Variants in VIPR2 observed in about 807,000 individuals in gnomAD.
VIPR2 encodes the protein vasoactive intestinal peptide receptor 2, also known as vasoactive intestinal polypeptide receptor 2.
In VIPR2, 48 loss-of-function variants were observed where a neutral mutation model predicts 58.0. The ratio of observed to expected loss-of-function variants is 0.83; its 90% CI spans 0.66 to 1.05. VIPR2 has a LOEUF of 1.05. VIPR2 is among the 50% of genes least tolerant of loss of function. The pLI, the probability that VIPR2 is intolerant of heterozygous loss-of-function variation, is 0.00. For synonymous variants in VIPR2, 243 were observed against 235.2 expected, an observed-to-expected ratio of 1.03 and a Z score of -0.30; for missense variants, 534 against 558.0, an observed-to-expected ratio of 0.96 and a Z score of 0.43.
chr7:159,135,420 C>A (rs1408330022), intron 2 of VIPR2, among the ~76,000 whole-genome samples: 1 of 150,962 alleles, frequency 6.6e-6, no homozygotes, highest in Admixed American at 6.6e-5. Flanking sequence ...TGACAGAGTG[C>A]GTGAGGCTCC....
At chr7:159,136,370 T>A (rs1291714227) in intron 2 of VIPR2, among the ~76,000 whole-genome samples, 4 of 152,154 alleles carry the variant, frequency 2.6e-5, no homozygotes. Context: ...TCAAGGCCCG[T>A]CTCTCAATAC....
intron 6 of VIPR2, among the ~76,000 whole-genome samples, chr7:159,039,540 T>C (rs1671868163): frequency 6.6e-6 from 1 of 152,190 alleles, no homozygotes; most frequent in African/African-American, 2.4e-5. Flanking sequence ...GGCTGGAGGC[T>C]TCTTTATGCT....
chr7:159,034,642 T>TCC lies in VIPR2; in HGVS notation c.816_817dup (p.Asp273GlyfsTer18), dbSNP rs775442068. On this transcript the variant is annotated frameshift_variant, in exon 9 of 13. Transcript: ENST00000262178. LOFTEE classifies it high-confidence loss of function. ...CCAGGGCACACTGTGGTCGTTTGTA[T>TCC]CCCAGCAACTGTCAGAGAGAGATGG... The TCC allele has an allele frequency of 1.2e-6, 2 of 1,613,752 alleles. No homozygotes were observed. Among genetic ancestry groups the TCC allele is most frequent in the Non-Finnish European group, 1.7e-6 (2 of 1,179,758 alleles).
chr7:159,066,064 G>C (rs1198903223), intron 4 of VIPR2, among the ~76,000 whole-genome samples: 3 of 151,654 alleles, frequency 2.0e-5, no homozygotes, highest in African/African-American at 7.3e-5. Flanking sequence ...CTGCTCCGCA[G>C]CGTCCGCGGG....
chr7:159,041,555 A>AGGGTCCTGAGGGTCTGTCAT, intron 6 of VIPR2, among the ~76,000 whole-genome samples: 1 of 18,584 alleles, frequency 5.4e-5, no homozygotes, highest in Non-Finnish European at 1.2e-4. Flanking sequence ...AGGGTCCGTC[A>AGGGTCCTGAGGGTCTGTCAT]GGGTCCTGAG....
rs1252101434 is a variant in VIPR2 at position 159,131,085 on chromosome 7, G to A, written c.151+11361C>T. Among the ~76,000 whole-genome samples, 9 of 152,146 alleles carry A rather than the reference G, an allele frequency of 5.9e-5. No individual in the cohort carries two copies. The East Asian group carries it at 1.7e-3, about 29-fold the overall frequency. ...TAGATAATGGGGTGGTCTGTGCCAG[G>A]GGTGTGATAGGGGAGACTCTAGCCA... On this transcript the variant is annotated intron_variant, in intron 2 of 12. Coordinates refer to ENST00000262178, the MANE Select transcript of VIPR2 (RefSeq NM_003382.5).
chr7:159,064,752 C>T (rs1855986780), intron 4 of VIPR2, among the ~76,000 whole-genome samples: 1 of 152,206 alleles, frequency 6.6e-6, no homozygotes, highest in African/African-American at 2.4e-5. Context: ...TTCGCCCCAG[C>T]TCTGGCACCA....
rs1015002330 is a variant in VIPR2, at chr7:159,097,962, A to T, written c.357+5795T>A. Among the ~76,000 whole-genome samples the T allele has an allele frequency of 1.3e-5, 2 of 152,162 alleles. No homozygotes were observed. The highest frequency in any genetic ancestry group is 4.8e-5 in the African/African-American group (2 of 41,434). Reference sequence around the variant, plus strand: ...CCAGCTGGGAACGTGCTGGAAAGGCAGGGTCTCAGCCCCCACACAGACCCA... The same window carrying T: ...CCAGCTGGGAACGTGCTGGAAAGGCTGGGTCTCAGCCCCCACACAGACCCA... On this transcript the variant is annotated intron_variant, in intron 4 of 12. Transcript: ENST00000262178. The surrounding 1 kb of genome is among the most constrained non-coding windows in gnomAD (Gnocchi z 5.3).
At chr7:159,051,210 CT>C (rs1854984183) in intron 5 of VIPR2, among the ~76,000 whole-genome samples, 1 of 152,116 alleles carries the variant, frequency 6.6e-6, no homozygotes, top group African/African-American at 2.4e-5. Flanking sequence ...TAAATGCGAC[CT>C]TTAACACAAC....
intron 1 of VIPR2, among the ~76,000 whole-genome samples, chr7:159,143,808 G>GCATT (rs1797573206): frequency 6.6e-6 from 1 of 152,282 alleles, no homozygotes; most frequent in Non-Finnish European, 1.5e-5. Context: ...AATGAAAGCA[G>GCATT]CATTAACCGT....
At chr7:159,102,175 C>CAA (rs1858336810) in intron 4 of VIPR2, among the ~76,000 whole-genome samples, 1 of 151,230 alleles carries the variant, frequency 6.6e-6, no homozygotes, top group African/African-American at 2.4e-5. Flanking sequence ...CGAGATCCGA[C>CAA]GAGGCGGTTC....
chr7:159,031,718 C>T lies in VIPR2; in HGVS notation c.1143+110G>A, dbSNP rs1481020130. 81 of 1,584,054 alleles carry T rather than the reference C, an allele frequency of 5.1e-5. No individual in the cohort carries two copies. The highest frequency in any genetic ancestry group is 1.2e-5 in the Non-Finnish European group (14 of 1,169,234). ...AGAACTGTGGGGTCCCGGGCAGTAA[C>T]TCGAGCCCGCGGAAGACAGGCATGT... On this transcript the variant is annotated intron_variant, in intron 12 of 12. Transcript: ENST00000262178. The surrounding 1 kb of genome is among the most constrained non-coding windows in gnomAD (Gnocchi z 4.0).
intron 2 of VIPR2, 89 bp downstream of exon 2, chr7:159,142,357 C>G: frequency 1.3e-6 from 1 of 784,520 alleles, no homozygotes; most frequent in African/African-American, 1.8e-5. Context: ...TTTTAAGATG[C>G]AGGTGGTGAC....
At position 159,128,343 on chromosome 7, in the gene VIPR2, C is replaced by T. The variant is rs1387280973; in HGVS notation, c.151+14103G>A. ...CTGACCACCCTGGAGCAGTTCTGAG[C>T]CTGCAGTGGTCTCCTTGTGCCCCCA... On this transcript the variant is annotated intron_variant, in intron 2 of 12. Coordinates refer to ENST00000262178, the MANE Select transcript of VIPR2 (RefSeq NM_003382.5). The surrounding 1 kb of genome is among the most constrained non-coding windows in gnomAD (Gnocchi z 4.1). Among the ~76,000 whole-genome samples, 1 of 152,188 alleles carries T rather than the reference C, an allele frequency of 6.6e-6. No homozygotes were observed. The highest frequency in any genetic ancestry group is 1.5e-5 in the Non-Finnish European group (1 of 68,028).
intron 4 of VIPR2, among the ~76,000 whole-genome samples, chr7:159,066,562 C>G (rs1195800786): frequency 6.6e-6 from 1 of 152,248 alleles, no homozygotes; most frequent in Non-Finnish European, 1.5e-5. Context: ...GCTCCTGAAC[C>G]CTTCCATGGC....
At chr7:159,057,062 G>A (rs190904503) in intron 5 of VIPR2, among the ~76,000 whole-genome samples, 78 of 152,166 alleles carry the variant, frequency 5.1e-4, no homozygotes, top group Non-Finnish European at 9.8e-4. Flanking sequence ...CTCTTGGGTT[G>A]CCTAATTAAA....
chr7:159,109,349 G>A (rs1350248870), intron 3 of VIPR2, among the ~76,000 whole-genome samples: 2 of 152,232 alleles, frequency 1.3e-5, no homozygotes, highest in Non-Finnish European at 2.9e-5. Flanking sequence ...AGGCGGCAGG[G>A]AGGTTGGGGG....
At chr7:159,114,145 T>C (rs116546283) in intron 2 of VIPR2, among the ~76,000 whole-genome samples, 1,886 of 152,264 alleles carry the variant, frequency 0.012, 38 homozygotes, top group African/African-American at 0.043. Context: ...AGTGCATGAA[T>C]AGGTCATCAG....
chr7:159,063,335 G>A (rs1855832944), intron 4 of VIPR2, among the ~76,000 whole-genome samples: 3 of 152,150 alleles, frequency 2.0e-5, no homozygotes, highest in Admixed American at 6.5e-5. Flanking sequence ...CCAGCAGGCC[G>A]GCACTGCTGG....
Sources: gnomAD v4.1 joint callset for allele counts (sites outside exome capture counted in the v4.1 genomes callset) on GRCh38, gnomAD v4.1.1 for gene constraint, Gnocchi (gnomAD v3.1) non-coding constraint, MANE v1.5 for transcripts, NCBI Gene and HGNC (gene_info 2026-07-23, HGNC 2026-07-21) for gene names.